The following LHFPL7 variants were observed in gnomAD, a reference collection of about 807,000 sequenced individuals.
LHFPL7 encodes LHFPL tetraspan subfamily member 7 protein.
chr22:24,943,591 T>C, the LHFPL7 span, among the ~76,000 whole-genome samples: 2 of 152,202 alleles, frequency 1.3e-5, no homozygotes, highest in Non-Finnish European at 2.9e-5. Flanking sequence ...ATTATCACTG[T>C]TCCCATTTTA....
At chr22:24,945,183 A>G in the LHFPL7 span, among the ~76,000 whole-genome samples, 1 of 152,152 alleles carries the variant, frequency 6.6e-6, no homozygotes, top group South Asian at 2.1e-4. Context: ...GATTATAGGC[A>G]TGAGCCACCG....
the LHFPL7 span, among the ~76,000 whole-genome samples, chr22:24,936,352 A>C: frequency 6.6e-6 from 1 of 151,996 alleles, no homozygotes; most frequent in Admixed American, 6.6e-5. Context: ...GCATCCATCC[A>C]TTCATCCATC....
the LHFPL7 span, chr22:24,935,406 T>C: frequency 2.1e-5 from 34 of 1,614,088 alleles, no homozygotes; most frequent in Non-Finnish European, 2.9e-5. Context: ...CCCTTGGACC[T>C]TGGTTGTGTG....
At chr22:24,941,552 G>A in the LHFPL7 span, among the ~76,000 whole-genome samples, 28 of 150,768 alleles carry the variant, frequency 1.9e-4, no homozygotes, top group East Asian at 2.3e-3. Flanking sequence ...TCAGTCCATA[G>A]CAAGACTCTA....
chr22:24,935,293 A>C, the LHFPL7 span: 8 of 1,572,774 alleles, frequency 5.1e-6, no homozygotes, highest in East Asian at 1.6e-4. Context: ...GATTTCATAA[A>C]ACTCTGGAGT....
chr22:24,939,198 G>A, the LHFPL7 span: 1 of 663,406 alleles, frequency 1.5e-6, no homozygotes, highest in South Asian at 1.7e-5. Flanking sequence ...TCTAAGGAGA[G>A]TAATGGCAAA....
chr22:24,942,937 G>GTGTT, the LHFPL7 span, among the ~76,000 whole-genome samples: 1 of 142,818 alleles, frequency 7.0e-6, no homozygotes, highest in East Asian at 2.0e-4. Flanking sequence ...GTGTGTGTGT[G>GTGTT]TTGCTGGGGG....
chr22:24,938,280 G>C, the LHFPL7 span: 1 of 1,613,408 alleles, frequency 6.2e-7, no homozygotes, highest in African/African-American at 1.3e-5. Flanking sequence ...GAGCATCACA[G>C]CTGAGACCTG....
the LHFPL7 span, among the ~76,000 whole-genome samples, chr22:24,945,037 T>C: frequency 1.1e-4 from 16 of 152,104 alleles, 1 homozygote; most frequent in East Asian, 2.1e-3. Context: ...GTCGATCTCT[T>C]GACCTTGTGA....
chr22:24,939,544 A>G, the LHFPL7 span: 15 of 702,736 alleles, frequency 2.1e-5, no homozygotes, highest in Non-Finnish European at 3.6e-5. Flanking sequence ...ATTAGGCAGT[A>G]TCGCTGACCT....
the LHFPL7 span, among the ~76,000 whole-genome samples, chr22:24,936,909 C>A: frequency 6.6e-6 from 1 of 151,982 alleles, no homozygotes; most frequent in African/African-American, 2.4e-5. Context: ...CCCTCCAACC[C>A]CCGCCCCCCC....
chr22:24,939,344 A>C, the LHFPL7 span: 1 of 703,002 alleles, frequency 1.4e-6, no homozygotes, highest in Non-Finnish European at 2.6e-6. Context: ...CCTTCCAGGC[A>C]AAGTCAGGAA....
chr22:24,939,775 A>G, the LHFPL7 span, among the ~76,000 whole-genome samples: 1 of 152,144 alleles, frequency 6.6e-6, no homozygotes, highest in Non-Finnish European at 1.5e-5. Context: ...CCCAAGTCCT[A>G]GAATAAATGT....
chr22:24,939,563 A>G, the LHFPL7 span: 1 of 702,320 alleles, frequency 1.4e-6, no homozygotes, highest in Non-Finnish European at 2.6e-6. Flanking sequence ...CTAGGGGTCA[A>G]CAGGGAAGAT....
chr22:24,938,916 T>C, the LHFPL7 span, among the ~76,000 whole-genome samples: 1 of 152,214 alleles, frequency 6.6e-6, no homozygotes, highest in Non-Finnish European at 1.5e-5. Flanking sequence ...GGGGCCATCA[T>C]AGATTTGCAA....
the LHFPL7 span, among the ~76,000 whole-genome samples, chr22:24,937,368 G>A: frequency 1.3e-5 from 2 of 152,208 alleles, no homozygotes; most frequent in African/African-American, 4.8e-5. Context: ...AATAGCCAGA[G>A]CACACTGAGC....
chr22:24,946,139 G>A, the LHFPL7 span, among the ~76,000 whole-genome samples: 1 of 152,032 alleles, frequency 6.6e-6, no homozygotes, highest in Non-Finnish European at 1.5e-5. Flanking sequence ...GCAAAACCCT[G>A]TCTCTACTAA....
chr22:24,944,956 C>T, the LHFPL7 span, among the ~76,000 whole-genome samples: 5 of 151,998 alleles, frequency 3.3e-5, no homozygotes, highest in East Asian at 5.8e-4. Context: ...ACTACAGATG[C>T]GCACCACCAC....
At chr22:24,942,865 GGTT>G in the LHFPL7 span, among the ~76,000 whole-genome samples, 1 of 150,820 alleles carries the variant, frequency 6.6e-6, no homozygotes, top group African/African-American at 2.4e-5. Context: ...TGGGAGTGAG[GGTT>G]GTTGTGAAGC....
Sources: gnomAD v4.1 joint callset for allele counts (sites outside exome capture counted in the v4.1 genomes callset) on GRCh38, gnomAD v4.1.1 for gene constraint, MANE v1.5 for transcripts, NCBI Gene and HGNC (gene_info 2026-07-23, HGNC 2026-07-21) for gene names.